BCAS3: variants seen among roughly 807,000 people sequenced by gnomAD.
BCAS3 encodes BCAS3 microtubule associated cell migration factor.
Under a neutral mutation model 116.1 loss-of-function variants are expected in BCAS3, and 53 were observed. The observed-to-expected ratio is 0.46, with a 90% CI of 0.37 to 0.57. BCAS3 has a LOEUF of 0.57. BCAS3 is among the 20% of genes least tolerant of loss of function. The probability of loss-of-function intolerance (pLI) is 0.00; values close to 1 mark genes in which losing one functional copy is unlikely to be tolerated. For synonymous variants in BCAS3, 391 were observed against 408.2 expected (o/e 0.96, Z 0.51); for missense variants, 917 against 1,165.4 (o/e 0.79, Z 3.10).
At chr17:61,275,002 C>T (rs1463265130) in intron 22 of BCAS3, among the ~76,000 whole-genome samples, 1 of 152,074 alleles carries the variant, frequency 6.6e-6, no homozygotes, top group Non-Finnish European at 1.5e-5. Context: ...AGATGAACGC[C>T]ACCATACTTC....
intron 22 of BCAS3, among the ~76,000 whole-genome samples, chr17:61,287,752 ACAC>A (rs1309072286): frequency 1.3e-5 from 2 of 152,154 alleles, no homozygotes; most frequent in Non-Finnish European, 2.9e-5. Flanking sequence ...AACAAAAAAA[ACAC>A]CAACAAGCCA....
chr17:61,002,419 AAT>A (rs1307100521), intron 15 of BCAS3: 1 of 152,016 alleles, frequency 6.6e-6, no homozygotes, highest in Non-Finnish European at 1.5e-5. Flanking sequence ...CAGATTTCAA[AAT>A]AGTTTTATTT....
Position 60,693,417 on chromosome 17 carries a change from A to AT in BCAS3, c.214+3667dup, listed in dbSNP as rs766636406. ...TACTTCATACTTGGCCAGTTTTTGT[A>AT]TTTTTTTTTTTGACAGAGTCTCACT... On this transcript the variant is annotated intron_variant, in intron 4 of 23. Transcript: ENST00000407086. Among the ~76,000 whole-genome samples, 793 of 146,904 alleles carry AT rather than the reference A, an allele frequency of 5.4e-3. 13 individuals are homozygous for AT. Among genetic ancestry groups the AT allele is most frequent in the African/African-American group, 0.015 (612 of 40,046 alleles).
rs528718314 is a variant in BCAS3 at position 60,926,694 on chromosome 17, T to C, written c.1087+2194T>C. 7.7e-4 allele frequency among the ~76,000 whole-genome samples: 117 copies of C among 152,330 alleles called. 1 individual carries two copies. The highest frequency in any genetic ancestry group is 9.3e-4 in the Non-Finnish European group (63 of 68,026). ...TTGATATTCCATCTGTTATGTCAGATCTCCTTTGTGTTAGTGTATATTTCA... is the reference window on the plus strand; with the variant it reads ...TTGATATTCCATCTGTTATGTCAGACCTCCTTTGTGTTAGTGTATATTTCA... On this transcript the variant is annotated intron_variant, in intron 13 of 23. Coordinates refer to ENST00000407086, the MANE Select transcript of BCAS3 (RefSeq NM_017679.5).
intron 22 of BCAS3, among the ~76,000 whole-genome samples, chr17:61,340,145 T>A (rs1182011793): frequency 6.6e-6 from 1 of 152,030 alleles, no homozygotes; most frequent in Admixed American, 6.6e-5. Flanking sequence ...TCAAGGAGTT[T>A]TGATTAAGGG....
intron 7 of BCAS3, among the ~76,000 whole-genome samples, chr17:60,821,247 A>T (rs1240910211): frequency 6.6e-6 from 1 of 152,186 alleles, no homozygotes. Context: ...TCACCTGGCC[A>T]TAATACAACT....
intron 4 of BCAS3, chr17:60,696,228 T>G (rs965581632): frequency 5.9e-5 from 9 of 152,192 alleles, no homozygotes; most frequent in Non-Finnish European, 1.0e-4. Context: ...TCCCTGTGCT[T>G]GATGGAGGAT....
At chr17:60,693,378 A>C (rs2035127118) in intron 4 of BCAS3, among the ~76,000 whole-genome samples, 2 of 151,506 alleles carry the variant, frequency 1.3e-5, no homozygotes, top group Non-Finnish European at 2.9e-5. Context: ...AATTCTTACT[A>C]TCCCCTAATC....
chr17:60,971,404 G>A (rs1485047226), intron 14 of BCAS3, among the ~76,000 whole-genome samples: 4 of 152,176 alleles, frequency 2.6e-5, no homozygotes, highest in Non-Finnish European at 5.9e-5. Context: ...TCATACAAAA[G>A]CTTCCATAGG....
intron 12 of BCAS3, among the ~76,000 whole-genome samples, chr17:60,918,176 C>T (rs567577963): frequency 6.6e-6 from 1 of 152,074 alleles, no homozygotes; most frequent in African/African-American, 2.4e-5. Flanking sequence ...AATGGCCATC[C>T]TAATGATGTA....
Position 61,037,868 on chromosome 17 carries a change from G to T in BCAS3, c.1763-21G>T. The stretch of plus-strand genomic sequence containing the variant: ...CATTTATGCCATCATAACACATCGG[G>T]TTCTGTTTCTCTGTTTGTAGATCAG... On this transcript the variant is annotated intron_variant, in intron 17 of 23. Coordinates refer to ENST00000407086, the MANE Select transcript of BCAS3 (RefSeq NM_017679.5). This position sits in a 1 kb window ranked among gnomAD's most constrained non-coding sequence, Gnocchi z 4.7. 6.2e-7 allele frequency: 1 copy of T among 1,608,578 alleles called. No homozygotes were observed. Among genetic ancestry groups the T allele is most frequent in the Non-Finnish European group, 8.5e-7 (1 of 1,176,224 alleles).
chr17:61,252,543 G>T (rs1468955593), intron 22 of BCAS3, among the ~76,000 whole-genome samples: 1 of 150,978 alleles, frequency 6.6e-6, no homozygotes, highest in Non-Finnish European at 1.5e-5. Context: ...CCAGGGCCAC[G>T]GGAACATGCA....
At chr17:61,369,543 C>T (rs898820262) in intron 23 of BCAS3, among the ~76,000 whole-genome samples, 3 of 152,200 alleles carry the variant, frequency 2.0e-5, no homozygotes, top group African/African-American at 4.8e-5. Flanking sequence ...CCCCGTGGCT[C>T]CTCCAGATCT....
intron 22 of BCAS3, among the ~76,000 whole-genome samples, chr17:61,207,612 T>C (rs1371383087): frequency 6.6e-6 from 1 of 151,946 alleles, no homozygotes; most frequent in African/African-American, 2.4e-5. Context: ...TTTTTTTGCA[T>C]TTACAAACAA....
intron 20 of BCAS3, among the ~76,000 whole-genome samples, chr17:61,078,012 A>G (rs2072189951): frequency 1.3e-5 from 2 of 152,192 alleles, no homozygotes; most frequent in African/African-American, 4.8e-5. Context: ...CACTAGTTAT[A>G]TGAGGCAAGC....
At chr17:60,734,545 T>G (rs1191244585) in intron 5 of BCAS3, among the ~76,000 whole-genome samples, 1 of 152,244 alleles carries the variant, frequency 6.6e-6, no homozygotes, top group Admixed American at 6.5e-5. Context: ...TTTTATTGCA[T>G]GTGGGTGTCC....
chr17:60,867,031 A>G (rs567387621), intron 7 of BCAS3, among the ~76,000 whole-genome samples: 17 of 151,724 alleles, frequency 1.1e-4, no homozygotes, highest in South Asian at 1.0e-3. Context: ...CATGTCTGGT[A>G]TATTTTTGAT....
At chr17:60,879,059 GTA>G (rs2055876228) in intron 9 of BCAS3, among the ~76,000 whole-genome samples, 1 of 152,148 alleles carries the variant, frequency 6.6e-6, no homozygotes, top group African/African-American at 2.4e-5. Context: ...AGACTGAAAG[GTA>G]TAGGATATAG....
intron 16 of BCAS3, among the ~76,000 whole-genome samples, chr17:61,018,721 C>G (rs1007347482): frequency 5.3e-5 from 8 of 152,082 alleles, no homozygotes; most frequent in African/African-American, 1.7e-4. Flanking sequence ...TAACATGTTA[C>G]GTTTTTGCAG....
Sources: allele counts gnomAD v4.1 joint callset (sites outside exome capture counted in the v4.1 genomes callset), GRCh38; gene constraint gnomAD v4.1.1; non-coding constraint Gnocchi (gnomAD v3.1); transcripts MANE v1.5; gene names NCBI Gene and HGNC (gene_info 2026-07-23, HGNC 2026-07-21).